Variants in MGME1 observed in about 807,000 individuals in gnomAD.
The protein encoded by MGME1 is mitochondrial genome maintenance exonuclease 1, also known as chromosome 20 open reading frame 72.
Under a neutral mutation model 33.0 loss-of-function variants are expected in MGME1, and 22 were observed. That is an observed-to-expected ratio of 0.67 (90% CI 0.48 to 0.95). The LOEUF is 0.95. Among genes scored for constraint, MGME1 ranks in the 40% least tolerant of loss-of-function variants. The probability of loss-of-function intolerance (pLI) is 0.00; values close to 1 mark genes in which losing one functional copy is unlikely to be tolerated. For synonymous variants in MGME1, 133 were observed against 144.0 expected, an observed-to-expected ratio of 0.92 and a Z score of 0.55; for missense variants, 383 against 397.8, an observed-to-expected ratio of 0.96 and a Z score of 0.32.
chr20:17,983,765 C>T (rs1405056363), intron 3 of MGME1, among the ~76,000 whole-genome samples: 1 of 152,148 alleles, frequency 6.6e-6, no homozygotes, highest in African/African-American at 2.4e-5. Context: ...ATTCATTGAG[C>T]TCCTTTGCCC....
Position 17,969,866 on chromosome 20 carries a change from A to T in MGME1, c.7A>T (p.Met3Leu). 2 of 1,604,664 alleles carry T rather than the reference A, an allele frequency of 1.2e-6. No individual in the cohort carries two copies. Residue 3 changes from methionine (M) to leucine (L), a missense_variant, in exon 2 of 5, where the codon ATG (methionine) becomes TTG (leucine). Met to Leu is a conservative substitution (Grantham distance 15). Transcript: ENST00000377710. ...AAAGTGAAAACAAATCTGAATGAAGATGAAGTTATTTCAGACCATTTGCAG... is the reference window on the plus strand; with the variant it reads ...AAAGTGAAAACAAATCTGAATGAAGTTGAAGTTATTTCAGACCATTTGCAG... Reference protein sequence around the residue: MKMKLFQTICRQL... With the variant: MKLKLFQTICRQL...
At chr20:17,989,140 C>T (rs965744344) in intron 4 of MGME1, among the ~76,000 whole-genome samples, 2 of 151,954 alleles carry the variant, frequency 1.3e-5, no homozygotes, top group African/African-American at 4.8e-5. Flanking sequence ...AATTCCAGCA[C>T]TTTGGGAGGC....
In MGME1 at chr20:17,969,974, A is replaced by G; in HGVS notation, c.115A>G (p.Lys39Glu). ...STSSYSCGRK[K>E]KVNPYEEVDQ... ...TTCCTCTTACTCATGTGGCCGGAAG[A>G]AAAAAGTGAACCCATATGAAGAAGT... The change falls in exon 2 of 5, where the codon AAA becomes GAA. Residue 39 changes from lysine (K) to glutamate (E), a missense_variant. By Grantham distance (56) the Lys-to-Glu change is moderately conservative. Transcript: ENST00000377710. 6.2e-7 allele frequency: 1 copy of G among 1,614,182 alleles called. No individual in the cohort carries two copies. The highest frequency in any genetic ancestry group is 8.5e-7 in the Non-Finnish European group (1 of 1,180,028).
chr20:17,978,807 G>A (rs2035932195), intron 3 of MGME1, among the ~76,000 whole-genome samples: 1 of 151,566 alleles, frequency 6.6e-6, no homozygotes, highest in Non-Finnish European at 1.5e-5. Flanking sequence ...ACAGAGTCTT[G>A]CTCTGTCACC....
chr20:17,979,186 C>A (rs2035941857), intron 3 of MGME1, among the ~76,000 whole-genome samples: 1 of 151,292 alleles, frequency 6.6e-6, no homozygotes, highest in African/African-American at 2.4e-5. Flanking sequence ...AAGCGATTCT[C>A]CCACCTCAGC....
upstream of MGME1, chr20:17,968,626 CT>C: frequency 1.6e-6 from 1 of 624,454 alleles, no homozygotes; most frequent in Non-Finnish European, 2.9e-6. Context: ...GCGCCACGTG[CT>C]CCCCCAGAGC....
At chr20:17,980,502 T>TA (rs1007012585) in intron 3 of MGME1, among the ~76,000 whole-genome samples, 1 of 151,288 alleles carries the variant, frequency 6.6e-6, no homozygotes, top group East Asian at 2.0e-4. Flanking sequence ...TTTTTCCACT[T>TA]AAAAAAATTA....
Position 17,977,726 on chromosome 20 carries a change from G to A in MGME1, c.731+1823G>A, listed in dbSNP as rs183908055. 4.5e-3 allele frequency among the ~76,000 whole-genome samples: 679 copies of A among 152,268 alleles called. 4 individuals are homozygous for A. The highest frequency in any genetic ancestry group is 7.1e-3 in the Non-Finnish European group (483 of 68,014). Reference sequence around the variant, plus strand: ...GGTATCTGGACACTCCCAAGTCTGGGTCTGTTTAGTAAACATTATTAATTT... The same window carrying A: ...GGTATCTGGACACTCCCAAGTCTGGATCTGTTTAGTAAACATTATTAATTT... On this transcript the variant is annotated intron_variant, in intron 3 of 4. Coordinates refer to ENST00000377710, the MANE Select transcript of MGME1 (RefSeq NM_052865.4).
chr20:17,983,445 C>T (rs908389835), intron 3 of MGME1, among the ~76,000 whole-genome samples: 10 of 152,068 alleles, frequency 6.6e-5, no homozygotes, highest in Non-Finnish European at 1.3e-4. Context: ...GGCTATATAT[C>T]CAAAAGTAGG....
intron 3 of MGME1, 62 bp downstream of exon 3, chr20:17,975,965 T>C: frequency 7.7e-7 from 1 of 1,293,832 alleles, no homozygotes; most frequent in Non-Finnish European, 1.1e-6. Context: ...GTCAAAGGTG[T>C]GCCTGTAGGT....
chr20:17,976,816 CAT>C (rs1280702357), intron 3 of MGME1, among the ~76,000 whole-genome samples: 1 of 152,052 alleles, frequency 6.6e-6, no homozygotes, highest in East Asian at 2.0e-4. Flanking sequence ...CATGCGCCAC[CAT>C]GTGTGGCTGA....
At chr20:17,970,909 T>C (rs912430633) in intron 2 of MGME1, among the ~76,000 whole-genome samples, 2 of 152,256 alleles carry the variant, frequency 1.3e-5, no homozygotes, top group African/African-American at 4.8e-5. Context: ...CTTCAACTTC[T>C]AATTTACTAA....
In MGME1 at chr20:17,976,435, A is replaced by G. The variant is rs141901252; in HGVS notation, c.731+532A>G. Among the ~76,000 whole-genome samples, 66 of 151,908 alleles carry G rather than the reference A, an allele frequency of 4.3e-4. 1 individual carries two copies. In the East Asian group the frequency reaches 0.012, roughly 28 times the overall value. The stretch of plus-strand genomic sequence containing the variant: ...CACTGCACCTGGCCGAGATTTTTCA[A>G]TCTCCCTAACATGGCCTGTTTGCCA... On this transcript the variant is annotated intron_variant, in intron 3 of 4. Coordinates refer to ENST00000377710, the MANE Select transcript of MGME1 (RefSeq NM_052865.4).
intron 3 of MGME1, among the ~76,000 whole-genome samples, chr20:17,983,301 G>GTGTGTGTA (rs1186083990): frequency 8.6e-5 from 13 of 151,442 alleles, no homozygotes; most frequent in Non-Finnish European, 1.8e-4. Context: ...GTGTGTGTGT[G>GTGTGTGTA]TATCCACATT....
intron 3 of MGME1, among the ~76,000 whole-genome samples, chr20:17,978,429 T>C (rs1260676621): frequency 6.6e-6 from 1 of 152,132 alleles, no homozygotes; most frequent in African/African-American, 2.4e-5. Context: ...GGTCTCGAAC[T>C]CCTGACCTCA....
chr20:17,988,568 C>T lies in MGME1; in HGVS notation c.864+270C>T, dbSNP rs11906337. Among the ~76,000 whole-genome samples the T allele has an allele frequency of 0.29, 42,941 of 149,044 alleles. 6,753 individuals carry two copies. The highest frequency in any genetic ancestry group is 0.44 in the African/African-American group (17,614 of 40,484). On this transcript the variant is annotated intron_variant, in intron 4 of 4. Transcript: ENST00000377710. ...GAGGCAGGAGAATTGCTTGAACCCG[C>T]GAGGTGGAGGTTGTAGTGAGCCAAG... is the stretch of plus-strand genomic sequence containing the variant.
At chr20:17,976,316 G>T (rs182542264) in intron 3 of MGME1, among the ~76,000 whole-genome samples, 48 of 152,148 alleles carry the variant, frequency 3.2e-4, no homozygotes, top group Non-Finnish European at 5.6e-4. Context: ...TAGAGACAGG[G>T]TTTCACCATG....
upstream of MGME1, chr20:17,968,867 G>A (rs896355554): frequency 5.8e-6 from 1 of 171,862 alleles, no homozygotes; most frequent in African/African-American, 2.4e-5. Flanking sequence ...GACGTCACCA[G>A]ATCTCGTGAG....
At chr20:17,976,783 TC>T (rs1395534242) in intron 3 of MGME1, among the ~76,000 whole-genome samples, 7 of 152,080 alleles carry the variant, frequency 4.6e-5, no homozygotes, top group Non-Finnish European at 1.0e-4. Context: ...TGCCTCAGCC[TC>T]CCAAGTAGCT....
Sources: allele counts gnomAD v4.1 joint callset (sites outside exome capture counted in the v4.1 genomes callset), GRCh38; gene constraint gnomAD v4.1.1; transcripts MANE v1.5; gene names NCBI Gene and HGNC (gene_info 2026-07-23, HGNC 2026-07-21).